The following MME variants were observed in gnomAD, a reference collection of about 807,000 sequenced individuals.
The protein encoded by MME is neprilysin.
MME carries 98 observed loss-of-function variants against 113.2 expected under a neutral mutation model. The ratio of observed to expected loss-of-function variants is 0.87; its 90% confidence interval spans 0.74 to 1.02. The LOEUF (loss-of-function observed/expected upper bound fraction) is 1.02, where lower values mean the gene tolerates loss of function less well. Ranked by LOEUF, MME falls within the 50% of genes least tolerant of loss-of-function variation. The pLI is 0.00. For synonymous variants in MME, 292 were observed against 300.6 expected (o/e 0.97, Z 0.30); for missense variants, 836 against 896.0 (o/e 0.93, Z 0.86).
At chr3:155,137,313 G>A (rs61758181) in intron 8 of MME, among the ~76,000 whole-genome samples, 153 of 152,286 alleles carry the variant, frequency 1.0e-3, no homozygotes, top group Middle Eastern at 3.4e-3. Context: ...TTGACTCAAG[G>A]AGACAGATAA....
In MME at chr3:155,118,941, T is replaced by C. The variant is rs61758171; in HGVS notation, c.720+130T>C. On this transcript the variant is annotated intron_variant, in intron 8 of 22. Coordinates refer to ENST00000360490, the MANE Select transcript of MME (RefSeq NM_007289.4). Reference sequence around the variant, plus strand: ...TTTCATTCATGACAGGGACTTAAAATCACACATAATAGTGAGCTGTCTTTG... The same window carrying C: ...TTTCATTCATGACAGGGACTTAAAACCACACATAATAGTGAGCTGTCTTTG... 6.3e-3 allele frequency: 4,347 copies of C among 685,220 alleles called. 45 individuals are homozygous for C. The highest frequency in any genetic ancestry group is 5.8e-3 in the Non-Finnish European group (2,196 of 378,764). The allele number at this position is 685,220 out of a possible 1,614,324, so 42.4% of individuals were successfully genotyped here.
At chr3:155,124,722 A>G (rs1331490816) in intron 8 of MME, among the ~76,000 whole-genome samples, 1 of 151,544 alleles carries the variant, frequency 6.6e-6, no homozygotes, top group African/African-American at 2.4e-5. Context: ...CCTCCCAGTT[A>G]GGCTGCTCGG....
chr3:155,089,666 T>A (rs1194528152), intron 3 of MME, among the ~76,000 whole-genome samples: 2 of 152,134 alleles, frequency 1.3e-5, no homozygotes, highest in Non-Finnish European at 2.9e-5. Context: ...TCAAAGATAT[T>A]CACACCCAAT....
chr3:155,130,421 G>A (rs1449644490), intron 8 of MME, among the ~76,000 whole-genome samples: 3 of 152,206 alleles, frequency 2.0e-5, no homozygotes, highest in African/African-American at 7.2e-5. Flanking sequence ...AGGAACTGGA[G>A]AGTAGAAGCT....
chr3:155,163,496 C>T (rs1254788122), intron 17 of MME, among the ~76,000 whole-genome samples: 1 of 152,178 alleles, frequency 6.6e-6, no homozygotes, highest in Non-Finnish European at 1.5e-5. Context: ...CTTCATGGAG[C>T]TCTAGAAGGC....
chr3:155,164,371 C>T (rs1467474416), intron 17 of MME, among the ~76,000 whole-genome samples: 1 of 151,994 alleles, frequency 6.6e-6, no homozygotes, highest in Non-Finnish European at 1.5e-5. Flanking sequence ...CAATCATGAA[C>T]ATAAAAAATG....
At chr3:155,090,138 G>A (rs1716160186) in intron 3 of MME, 1 of 157,790 alleles carries the variant, frequency 6.3e-6, no homozygotes, top group Non-Finnish European at 1.4e-5. Flanking sequence ...CTGCATATTT[G>A]TCGATGGCAG....
chr3:155,056,075 T>C (rs1713916511), intron 1 of MME, among the ~76,000 whole-genome samples: 1 of 152,038 alleles, frequency 6.6e-6, no homozygotes. Context: ...TAACTACAAA[T>C]TGTTGGTTCA....
intron 1 of MME, among the ~76,000 whole-genome samples, chr3:155,045,982 T>G (rs184585373): frequency 1.3e-5 from 2 of 152,274 alleles, no homozygotes; most frequent in East Asian, 3.9e-4. Context: ...TCATCCTATT[T>G]GGAGTTTGCT....
chr3:155,067,850 C>T (rs183340644), intron 1 of MME, among the ~76,000 whole-genome samples: 7 of 152,164 alleles, frequency 4.6e-5, no homozygotes, highest in Admixed American at 2.0e-4. Context: ...ATGCTACAAC[C>T]ACTTTGGAAA....
intron 22 of MME, among the ~76,000 whole-genome samples, chr3:155,179,516 T>A (rs1712870901): frequency 6.6e-6 from 1 of 152,182 alleles, no homozygotes; most frequent in East Asian, 1.9e-4. Flanking sequence ...TGGACTCACC[T>A]GTCATTTGTG....
intron 1 of MME, among the ~76,000 whole-genome samples, chr3:155,029,448 C>A (rs975972153): frequency 3.3e-5 from 5 of 151,628 alleles, no homozygotes; most frequent in South Asian, 2.1e-4. Flanking sequence ...TACTAAAAAA[C>A]CACATTTTTA....
intron 1 of MME, among the ~76,000 whole-genome samples, chr3:155,042,924 ATATATATATATATATG>A (rs1415049121): frequency 0.025 from 1,628 of 65,304 alleles, 62 homozygotes; most frequent in African/African-American, 0.087. Flanking sequence ...ATATATATAT[ATATATATATATATATG>A]TATATATATA....
rs61760456 is a variant in MME at position 155,181,128 on chromosome 3, T to C, written c.*669T>C. 1 of 152,332 alleles carries C rather than the reference T, an allele frequency of 6.6e-6. No individual in the cohort carries two copies. The highest frequency in any genetic ancestry group is 1.5e-5 in the Non-Finnish European group (1 of 68,014). The allele number at this position is 152,332 out of a possible 1,614,324, so 9.4% of individuals were successfully genotyped here. On this transcript the variant is annotated 3_prime_UTR_variant, in exon 23 of 23. Coordinates refer to ENST00000360490, the MANE Select transcript of MME (RefSeq NM_007289.4). ...CTGAGATTCTTCAGGCTTCCTGCAATTTTCTAAGCAATTTCTTGCTCTATC... is the reference window on the plus strand; with the variant it reads ...CTGAGATTCTTCAGGCTTCCTGCAACTTTCTAAGCAATTTCTTGCTCTATC...
intron 16 of MME, among the ~76,000 whole-genome samples, chr3:155,149,280 G>A (rs977669155): frequency 6.6e-6 from 1 of 151,980 alleles, no homozygotes; most frequent in Non-Finnish European, 1.5e-5. Context: ...TTTATGCACC[G>A]AAATTCCTAG....
intron 1 of MME, among the ~76,000 whole-genome samples, chr3:155,041,126 GT>G (rs1407159107): frequency 1.3e-5 from 2 of 152,036 alleles, no homozygotes; most frequent in African/African-American, 4.8e-5. Flanking sequence ...TAGTTCTTCA[GT>G]AAGTCTGTTG....
chr3:155,041,472 A>G (rs1341016966), intron 1 of MME, among the ~76,000 whole-genome samples: 2 of 152,182 alleles, frequency 1.3e-5, no homozygotes, highest in Non-Finnish European at 2.9e-5. Context: ...TGTGGCATTA[A>G]AGCTGGTTTA....
intron 17 of MME, among the ~76,000 whole-genome samples, chr3:155,164,557 A>T (rs1722952265): frequency 2.0e-5 from 3 of 152,154 alleles, no homozygotes; most frequent in Non-Finnish European, 4.4e-5. Flanking sequence ...AAATCTTATC[A>T]CTTGCCTGAA....
In MME at chr3:155,156,150, G is replaced by C. The variant is rs73875834; in HGVS notation, c.1602-4240G>C. On this transcript the variant is annotated intron_variant, in intron 16 of 22. Coordinates refer to ENST00000360490, the MANE Select transcript of MME (RefSeq NM_007289.4). ...AAAAGTTACACTTATGGATCATTGG[G>C]AAGAGCCTGTGCTGTGGAGTCAGGG... 5.9e-3 allele frequency among the ~76,000 whole-genome samples: 898 copies of C among 152,264 alleles called. 8 individuals are homozygous for C. Among genetic ancestry groups the C allele is most frequent in the African/African-American group, 0.021 (865 of 41,548 alleles).
Sources: allele counts gnomAD v4.1 joint callset (sites outside exome capture counted in the v4.1 genomes callset), GRCh38; gene constraint gnomAD v4.1.1; transcripts MANE v1.5; gene names NCBI Gene and HGNC (gene_info 2026-07-23, HGNC 2026-07-21).